GNA11: variants seen among roughly 807,000 people sequenced by gnomAD.
The protein encoded by GNA11 is guanine nucleotide-binding protein subunit alpha-11.
In GNA11, 8 loss-of-function variants were observed where a neutral mutation model predicts 38.2. The observed-to-expected ratio is 0.21, with a 90% CI of 0.12 to 0.38. The LOEUF is 0.38. Ranked by LOEUF, GNA11 falls within the 10% of genes least tolerant of loss-of-function variation. The pLI, the probability that GNA11 is intolerant of heterozygous loss-of-function variation, is 1.00. For synonymous variants in GNA11, 211 were observed against 221.4 expected, an observed-to-expected ratio of 0.95 and a Z score of 0.42; for missense variants, 268 against 516.3, an observed-to-expected ratio of 0.52 and a Z score of 4.66.
chr19:3,112,581 G>T (rs1369434783), intron 2 of GNA11, among the ~76,000 whole-genome samples: 1 of 152,266 alleles, frequency 6.6e-6, no homozygotes, highest in Non-Finnish European at 1.5e-5. Flanking sequence ...TCACATGTGT[G>T]TGCAAGCACG....
chr19:3,107,026 G>A (rs147680667), intron 1 of GNA11, among the ~76,000 whole-genome samples: 262 of 152,328 alleles, frequency 1.7e-3, no homozygotes, highest in Non-Finnish European at 2.9e-3. Flanking sequence ...CACCTGAGGT[G>A]AGGAATTTGA....
rs1914019359 is a variant in GNA11 at position 3,119,707 on chromosome 19, G to A, written c.889+348G>A. 6.6e-6 allele frequency among the ~76,000 whole-genome samples: 1 copy of A among 151,718 alleles called. No homozygotes were observed. The highest frequency in any genetic ancestry group is 1.5e-5 in the Non-Finnish European group (1 of 67,864). On this transcript the variant is annotated intron_variant, in intron 6 of 6. Coordinates refer to ENST00000078429, the MANE Select transcript of GNA11 (RefSeq NM_002067.5). This position sits in a 1 kb window ranked among gnomAD's most constrained non-coding sequence, Gnocchi z 4.6. ...CCATGGGAGGGGGAGTCTTGTATTGGTGGGTCTTGTACGGGAGGGAGTTGT... is the reference window on the plus strand; with the variant it reads ...CCATGGGAGGGGGAGTCTTGTATTGATGGGTCTTGTACGGGAGGGAGTTGT...
chr19:3,118,791 G>T, intron 4 of GNA11, 133 bp from the exon 5 acceptor site: 1 of 822,580 alleles, frequency 1.2e-6, no homozygotes, highest in East Asian at 2.5e-5. Context: ...CCCGTTCTAA[G>T]AGTGGGGGCT....
intron 1 of GNA11, among the ~76,000 whole-genome samples, chr19:3,102,943 G>A (rs1260491069): frequency 3.3e-5 from 5 of 152,226 alleles, no homozygotes; most frequent in African/African-American, 1.2e-4. Flanking sequence ...AAACGGTCAT[G>A]TGTATCCCCC....
chr19:3,108,231 T>A lies in GNA11; in HGVS notation c.137-1918T>A, dbSNP rs1430704100. 6.6e-6 allele frequency among the ~76,000 whole-genome samples: 1 copy of A among 152,152 alleles called. No homozygotes were observed. Among genetic ancestry groups the A allele is most frequent in the Admixed American group, 6.5e-5 (1 of 15,270 alleles). ...GCCACCGTGGGACACATGCAGCCTG[T>A]CTCATCTCTAGGAGCTGCCAGGTGA... On this transcript the variant is annotated intron_variant, in intron 1 of 6. Transcript: ENST00000078429. This position sits in a 1 kb window ranked among gnomAD's most constrained non-coding sequence, Gnocchi z 4.5.
At chr19:3,098,301 C>T (rs898786634) in intron 1 of GNA11, among the ~76,000 whole-genome samples, 3 of 152,250 alleles carry the variant, frequency 2.0e-5, no homozygotes, top group South Asian at 4.1e-4. Flanking sequence ...TCCGCGCCGC[C>T]GCCATCCTGG....
chr19:3,098,000 G>C (rs1008538108), intron 1 of GNA11, among the ~76,000 whole-genome samples: 1 of 152,240 alleles, frequency 6.6e-6, no homozygotes, highest in East Asian at 1.9e-4. Context: ...GTGTGGTAGC[G>C]TACAACGTAA....
Position 3,110,147 on chromosome 19 carries a change from A to C in GNA11, c.137-2A>C. 1 of 1,596,408 alleles carries C rather than the reference A, an allele frequency of 6.3e-7. No individual in the cohort carries two copies. The highest frequency in any genetic ancestry group is 8.5e-7 in the Non-Finnish European group (1 of 1,173,768). On this transcript the variant is annotated splice_acceptor_variant, in intron 1 of 6. Transcript: ENST00000078429. LOFTEE classifies it high-confidence loss of function. This position sits in a 1 kb window ranked among gnomAD's most constrained non-coding sequence, Gnocchi z 5.4. ...CCCGCCCTCACGTGCCCCGTCCCCC[A>C]GGCACGGGCGAGAGCGGGAAGAGCA... is the stretch of plus-strand genomic sequence containing the variant.
chr19:3,100,152 A>T (rs562110792), intron 1 of GNA11, among the ~76,000 whole-genome samples: 1 of 152,100 alleles, frequency 6.6e-6, no homozygotes, highest in East Asian at 1.9e-4. Flanking sequence ...CTGCCCACAG[A>T]CACCTTGATC....
rs760497682 is a variant in GNA11 at position 3,103,519 on chromosome 19, C to CTTTTTTTTTTT, written c.137-6609_137-6599dup. Among the ~76,000 whole-genome samples, 95 of 45,812 alleles carry CTTTTTTTTTTT rather than the reference C, an allele frequency of 2.1e-3. 20 individuals are homozygous for CTTTTTTTTTTT. The highest frequency in any genetic ancestry group is 2.9e-3 in the Non-Finnish European group (74 of 25,132). The allele number at this position is 45,812 out of a possible 152,430, so 30.1% of individuals were successfully genotyped here. A position where few individuals can be genotyped will look rare whatever the true frequency, so the allele number is the denominator to read the frequency against. On this transcript the variant is annotated intron_variant, in intron 1 of 6. Coordinates refer to ENST00000078429, the MANE Select transcript of GNA11 (RefSeq NM_002067.5). The stretch of plus-strand genomic sequence containing the variant: ...TGAGCCACTGCGCCCGGCCTTGAAT[C>CTTTTTTTTTTT]TTTTTTTTTTTTTTTTTTTTTTTTT...
intron 1 of GNA11, among the ~76,000 whole-genome samples, chr19:3,106,584 G>A (rs920750155): frequency 6.6e-6 from 1 of 152,192 alleles, no homozygotes; most frequent in Non-Finnish European, 1.5e-5. Context: ...AACCTCTCCT[G>A]GCTTTGGTGG....
At chr19:3,107,910 G>T (rs909338137) in intron 1 of GNA11, among the ~76,000 whole-genome samples, 1 of 152,186 alleles carries the variant, frequency 6.6e-6, no homozygotes, top group African/African-American at 2.4e-5. Flanking sequence ...TGGGGAGAAG[G>T]TGTTTTCACC....
At chr19:3,101,877 C>G (rs1236096082) in intron 1 of GNA11, among the ~76,000 whole-genome samples, 2 of 152,126 alleles carry the variant, frequency 1.3e-5, no homozygotes, top group Non-Finnish European at 2.9e-5. Context: ...GCAGATCACT[C>G]AAGTCCAGGA....
intron 4 of GNA11, among the ~76,000 whole-genome samples, chr19:3,116,074 C>G (rs1599305817): frequency 1.3e-5 from 2 of 151,922 alleles, no homozygotes; most frequent in African/African-American, 4.8e-5. Flanking sequence ...CGGGCTGCCC[C>G]TGCGGATCCT....
Position 3,110,886 on chromosome 19 carries a change from C to T in GNA11, c.321+553C>T, listed in dbSNP as rs565279749. On this transcript the variant is annotated intron_variant, in intron 2 of 6. Coordinates refer to ENST00000078429, the MANE Select transcript of GNA11 (RefSeq NM_002067.5). The surrounding 1 kb of genome is among the most constrained non-coding windows in gnomAD (Gnocchi z 5.4). ...TGGTCAAGGCTCATCACAGCCTGGA[C>T]CTTCTGGGCTCAGGTGATCCCACCA... 2.6e-5 allele frequency among the ~76,000 whole-genome samples: 4 copies of T among 152,216 alleles called. No individual in the cohort carries two copies. Among genetic ancestry groups the T allele is most frequent in the South Asian group, 4.1e-4 (2 of 4,820 alleles).
chr19:3,108,272 G>C lies in GNA11; in HGVS notation c.137-1877G>C, dbSNP rs1913683979. Among the ~76,000 whole-genome samples, 1 of 152,220 alleles carries C rather than the reference G, an allele frequency of 6.6e-6. No individual in the cohort carries two copies. The highest frequency in any genetic ancestry group is 1.5e-5 in the Non-Finnish European group (1 of 68,038). Reference sequence around the variant, plus strand: ...TGCCAGGTGAGGGGTCCTGCGACAGGCACCTGTGCAAAGATATCTACCATG... The same window carrying C: ...TGCCAGGTGAGGGGTCCTGCGACAGCCACCTGTGCAAAGATATCTACCATG... On this transcript the variant is annotated intron_variant, in intron 1 of 6. Coordinates refer to ENST00000078429, the MANE Select transcript of GNA11 (RefSeq NM_002067.5). This position sits in a 1 kb window ranked among gnomAD's most constrained non-coding sequence, Gnocchi z 4.5.
chr19:3,110,516 A>C lies in GNA11; in HGVS notation c.321+183A>C, dbSNP rs1263644488. ...AGCAACCGCTGACTTCCTGGGGGCC[A>C]ACTGGAGAGTTGTGATGGGCATTGC... is the stretch of plus-strand genomic sequence containing the variant. On this transcript the variant is annotated intron_variant, in intron 2 of 6. Transcript: ENST00000078429. This position sits in a 1 kb window ranked among gnomAD's most constrained non-coding sequence, Gnocchi z 5.4. Among the ~76,000 whole-genome samples the C allele has an allele frequency of 6.6e-6, 1 of 152,178 alleles. No homozygotes were observed. The highest frequency in any genetic ancestry group is 1.5e-5 in the Non-Finnish European group (1 of 68,042).
At chr19:3,099,994 G>T (rs557349240) in intron 1 of GNA11, among the ~76,000 whole-genome samples, 27 of 152,336 alleles carry the variant, frequency 1.8e-4, no homozygotes, top group Non-Finnish European at 2.8e-4. Context: ...TGCCGCACGT[G>T]GGGACCCACG....
intron 1 of GNA11, among the ~76,000 whole-genome samples, chr19:3,101,042 G>A (rs1005992124): frequency 6.6e-6 from 1 of 152,192 alleles, no homozygotes; most frequent in Non-Finnish European, 1.5e-5. Context: ...TTCTGTCCCT[G>A]TCTGACCTCG....
Sources: allele counts gnomAD v4.1 joint callset (sites outside exome capture counted in the v4.1 genomes callset), GRCh38; gene constraint gnomAD v4.1.1; non-coding constraint Gnocchi (gnomAD v3.1); transcripts MANE v1.5; gene names NCBI Gene and HGNC (gene_info 2026-07-23, HGNC 2026-07-21).